The following VAT1L variants were observed in gnomAD, a reference collection of about 807,000 sequenced individuals.
VAT1L encodes the protein putative NADPH-dependent quinone oxidoreductase VAT1L.
VAT1L carries 34 observed loss-of-function variants against 44.1 expected under a neutral mutation model. That is an observed-to-expected ratio of 0.77 (90% confidence interval 0.59 to 1.03). The LOEUF (loss-of-function observed/expected upper bound fraction) is 1.03. Ranked by LOEUF, VAT1L falls within the 50% of genes least tolerant of loss-of-function variation. The pLI is 0.00. For missense variants in VAT1L, 615 were observed against 538.8 expected (o/e 1.14, Z -1.40); for synonymous variants, 253 against 202.2 (o/e 1.25, Z -2.13).
chr16:77,862,826 G>A lies in VAT1L; in HGVS notation c.658G>A (p.Ala220Thr), dbSNP rs1354343039. Residue 220 changes from alanine to threonine, a missense_variant, in exon 4 of 9, where the codon GCA becomes ACA. Coordinates refer to ENST00000302536, the MANE Select transcript of VAT1L (RefSeq NM_020927.3). ...AACAGCCTCTACTTTCAAGCATGAA[G>A]CAATCAAAGACTCTGTGACCCACCT... is the stretch of plus-strand genomic sequence containing the variant. The part of the protein sequence containing the change: ...FGTASTFKHE[A>T]IKDSVTHLFD... The A allele has an allele frequency of 6.2e-7, 1 of 1,613,954 alleles. No individual in the cohort carries two copies. Among genetic ancestry groups the A allele is most frequent in the Admixed American group, 1.7e-5 (1 of 59,982 alleles).
At chr16:77,883,473 G>A (rs1047592408) in intron 6 of VAT1L, among the ~76,000 whole-genome samples, 2 of 152,116 alleles carry the variant, frequency 1.3e-5, no homozygotes, top group Admixed American at 6.6e-5. Flanking sequence ...AGGGCATCTC[G>A]GCTTTAATGC....
intron 3 of VAT1L, among the ~76,000 whole-genome samples, chr16:77,848,836 T>C (rs972499475): frequency 1.1e-4 from 16 of 152,048 alleles, no homozygotes; most frequent in Admixed American, 3.9e-4. Flanking sequence ...GTGGCACATA[T>C]ACACCATGGA....
At chr16:77,856,634 C>T (rs912871076) in intron 3 of VAT1L, among the ~76,000 whole-genome samples, 1 of 152,222 alleles carries the variant, frequency 6.6e-6, no homozygotes, top group Non-Finnish European at 1.5e-5. Context: ...CTTGTTACCA[C>T]AGTCCCTGGA....
intron 4 of VAT1L, among the ~76,000 whole-genome samples, chr16:77,864,410 T>A (rs535781101): frequency 1.3e-5 from 2 of 152,052 alleles, no homozygotes; most frequent in East Asian, 3.9e-4. Context: ...CTGGCCAACA[T>A]AGTGAAGCTC....
intron 7 of VAT1L, among the ~76,000 whole-genome samples, chr16:77,902,972 G>GAAAAAAA (rs11307214): frequency 3.2e-4 from 31 of 96,216 alleles, no homozygotes; most frequent in East Asian, 8.2e-4. Context: ...GACTCTGTCT[G>GAAAAAAA]AAAAAAAAAA....
intron 2 of VAT1L, among the ~76,000 whole-genome samples, chr16:77,818,738 C>G (rs12922936): frequency 0.066 from 9,984 of 152,152 alleles, 484 homozygotes; most frequent in East Asian, 0.23. Flanking sequence ...CCATTAAACT[C>G]TCTCCCTTCC....
rs540771208 is a variant in VAT1L, at chr16:77,805,366, C to T, written c.234-11555C>T. Among the ~76,000 whole-genome samples, 3 of 152,270 alleles carry T rather than the reference C, an allele frequency of 2.0e-5. No homozygotes were observed. The South Asian group carries it at 6.2e-4, about 32-fold the overall frequency. On this transcript the variant is annotated intron_variant, in intron 1 of 8. Transcript: ENST00000302536. The stretch of plus-strand genomic sequence containing the variant: ...GCCCAAGATTTTCTGAGATCAATGC[C>T]TATTTTCCTAAGCATTTTCAAGTTT...
intron 3 of VAT1L, among the ~76,000 whole-genome samples, chr16:77,855,308 C>A (rs2016846896): frequency 6.6e-6 from 1 of 151,426 alleles, no homozygotes; most frequent in African/African-American, 2.4e-5. Context: ...CCACTGCACT[C>A]CAGCCTGGGC....
chr16:77,791,790 C>T (rs898135471), intron 1 of VAT1L, among the ~76,000 whole-genome samples: 9 of 152,306 alleles, frequency 5.9e-5, no homozygotes, highest in African/African-American at 2.2e-4. Context: ...AAAGTAGAGA[C>T]ATTTTGGTCA....
rs1291678541 is a variant in VAT1L, at chr16:77,799,258, C to A, written c.233+10343C>A. On this transcript the variant is annotated intron_variant, in intron 1 of 8. Coordinates refer to ENST00000302536, the MANE Select transcript of VAT1L (RefSeq NM_020927.3). The stretch of plus-strand genomic sequence containing the variant: ...CCCTCTCTCTCTCCCTCCCTCCCCT[C>A]CCCTCCTTCTTCTCTCTCCCTCTTT... Among the ~76,000 whole-genome samples, 4 of 143,448 alleles carry A rather than the reference C, an allele frequency of 2.8e-5. No individual in the cohort carries two copies. In the Admixed American group the frequency reaches 2.9e-4, roughly 10 times the overall value. 94.1% of individuals were successfully genotyped at this position (143,448 alleles called of 152,430 possible).
At chr16:77,897,346 C>G (rs2017334887) in intron 7 of VAT1L, among the ~76,000 whole-genome samples, 2 of 152,192 alleles carry the variant, frequency 1.3e-5, no homozygotes, top group Admixed American at 1.3e-4. Context: ...GTGCAATCAA[C>G]TGAGTCCATA....
At chr16:77,794,588 G>C (rs2015894636) in intron 1 of VAT1L, among the ~76,000 whole-genome samples, 1 of 152,232 alleles carries the variant, frequency 6.6e-6, no homozygotes. Flanking sequence ...TTGATGCAAT[G>C]AAAGGTGGCC....
intron 7 of VAT1L, among the ~76,000 whole-genome samples, chr16:77,966,328 T>C (rs922024446): frequency 1.1e-4 from 16 of 152,118 alleles, no homozygotes; most frequent in Non-Finnish European, 2.4e-4. Flanking sequence ...GGGTAAGTGC[T>C]TGGGCGAGAC....
chr16:77,816,819 G>C, intron 1 of VAT1L, 102 bp from the exon 2 acceptor site: 1 of 1,381,012 alleles, frequency 7.2e-7, no homozygotes, highest in Non-Finnish European at 9.6e-7. Context: ...GAAGAAGGGA[G>C]GGAGGAAAGG....
At chr16:77,827,325 G>A (rs964836411) in intron 3 of VAT1L, among the ~76,000 whole-genome samples, 6 of 152,284 alleles carry the variant, frequency 3.9e-5, no homozygotes, top group South Asian at 4.1e-4. Flanking sequence ...GCTGGACTCA[G>A]TTCTGCTGAG....
chr16:77,968,126 T>C (rs1159660020), intron 7 of VAT1L, among the ~76,000 whole-genome samples: 1 of 152,140 alleles, frequency 6.6e-6, no homozygotes, highest in Admixed American at 6.6e-5. Flanking sequence ...CCCAACAAAC[T>C]TAGAGGCACT....
intron 7 of VAT1L, among the ~76,000 whole-genome samples, chr16:77,947,347 G>A (rs2017981877): frequency 6.6e-6 from 1 of 152,094 alleles, no homozygotes; most frequent in Non-Finnish European, 1.5e-5. Context: ...TCACCCTTTG[G>A]GGAATTACCT....
intron 3 of VAT1L, among the ~76,000 whole-genome samples, chr16:77,850,721 G>T (rs191618619): frequency 3.8e-4 from 58 of 151,914 alleles, no homozygotes; most frequent in African/African-American, 1.4e-3. Flanking sequence ...GGTGCAAATT[G>T]TAATTTGGCT....
At position 77,978,368 on chromosome 16, in the gene VAT1L, A is replaced by G. The variant is rs2018363660; in HGVS notation, c.*673A>G. ...TTTTCACAGTAGACAATGGGTCAACAGCATGAGTTTGAGGACCTGCTGTGA... is the reference window on the plus strand; with the variant it reads ...TTTTCACAGTAGACAATGGGTCAACGGCATGAGTTTGAGGACCTGCTGTGA... On this transcript the variant is annotated 3_prime_UTR_variant, in exon 9 of 9. Coordinates refer to ENST00000302536, the MANE Select transcript of VAT1L (RefSeq NM_020927.3). 1 of 152,358 alleles carries G rather than the reference A, an allele frequency of 6.6e-6. No homozygotes were observed. The highest frequency in any genetic ancestry group is 2.1e-4 in the South Asian group (1 of 4,836). The allele number at this position is 152,358 out of a possible 1,614,324, so 9.4% of individuals were successfully genotyped here.
Sources: allele counts gnomAD v4.1 joint callset (sites outside exome capture counted in the v4.1 genomes callset), GRCh38; gene constraint gnomAD v4.1.1; transcripts MANE v1.5; gene names NCBI Gene and HGNC (gene_info 2026-07-23, HGNC 2026-07-21).